The following PDE4D variants were observed in gnomAD, a reference collection of about 807,000 sequenced individuals.
PDE4D encodes the protein 3',5'-cyclic-AMP phosphodiesterase 4D.
Under a neutral mutation model 87.4 loss-of-function variants are expected in PDE4D, and 24 were observed. The ratio of observed to expected loss-of-function variants is 0.27; its 90% CI spans 0.20 to 0.39. The LOEUF is 0.39. PDE4D is among the 10% of genes least tolerant of loss of function. PDE4D has a pLI of 1.00. For synonymous variants in PDE4D, 384 were observed against 383.2 expected (o/e 1.00, Z -0.02); for missense variants, 714 against 1,041.0 (o/e 0.69, Z 4.32).
intron 1 of PDE4D, among the ~76,000 whole-genome samples, chr5:60,497,329 T>TA (rs11382434): frequency 0.53 from 80,362 of 151,942 alleles, 21,924 homozygotes; most frequent in African/African-American, 0.67. Flanking sequence ...CAATGCTAAT[T>TA]GGGGGGTTAG....
intron 5 of PDE4D, among the ~76,000 whole-genome samples, chr5:59,172,053 A>G (rs1241095462): frequency 6.4e-4 from 3 of 4,696 alleles, no homozygotes; most frequent in African/African-American, 1.2e-3. Context: ...TATAATATAT[A>G]TATATTATAT....
intron 2 of PDE4D, among the ~76,000 whole-genome samples, chr5:60,068,964 T>C (rs1562052460): frequency 6.6e-6 from 1 of 152,228 alleles, no homozygotes; most frequent in Non-Finnish European, 1.5e-5. Context: ...GGTTTTCTTC[T>C]AGTAGTTTTA....
At chr5:60,213,297 G>C (rs1270766475) in intron 1 of PDE4D, among the ~76,000 whole-genome samples, 1 of 152,192 alleles carries the variant, frequency 6.6e-6, no homozygotes, top group Non-Finnish European at 1.5e-5. Context: ...CTGGCAAATA[G>C]GGGTGTGGAA....
At chr5:59,904,750 T>C (rs1285746911) in intron 3 of PDE4D, among the ~76,000 whole-genome samples, 1 of 152,156 alleles carries the variant, frequency 6.6e-6, no homozygotes, top group African/African-American at 2.4e-5. Flanking sequence ...TGGGGAACAC[T>C]CATAAACTAA....
chr5:59,159,132 G>C (rs531437849), intron 5 of PDE4D, among the ~76,000 whole-genome samples: 6 of 86,344 alleles, frequency 6.9e-5, no homozygotes, highest in African/African-American at 1.7e-4. Context: ...GAATTCTTAC[G>C]ATACTCTGTG....
At chr5:60,315,601 G>A (rs1436341269) in intron 1 of PDE4D, among the ~76,000 whole-genome samples, 2 of 151,982 alleles carry the variant, frequency 1.3e-5, no homozygotes, top group Admixed American at 6.6e-5. Flanking sequence ...GTTTTCTTCT[G>A]GGGTTTTTAT....
At chr5:59,668,827 A>AAGAGGAAGAG (rs1554056663) in intron 1 of PDE4D, among the ~76,000 whole-genome samples, 1 of 76,904 alleles carries the variant, frequency 1.3e-5, no homozygotes, top group East Asian at 4.1e-4. Context: ...AAGAAGAAGA[A>AAGAGGAAGAG]GAAGAGGAAG....
At chr5:59,865,094 C>T (rs1746823620) in intron 1 of PDE4D, among the ~76,000 whole-genome samples, 1 of 152,174 alleles carries the variant, frequency 6.6e-6, no homozygotes. Flanking sequence ...GTGAAATAGC[C>T]TAGTATTCTC....
At chr5:59,823,294 A>G (rs986077804) in intron 1 of PDE4D, among the ~76,000 whole-genome samples, 1 of 152,230 alleles carries the variant, frequency 6.6e-6, no homozygotes. Context: ...GCCAAGGGCC[A>G]ATAAAGCAAT....
intron 1 of PDE4D, among the ~76,000 whole-genome samples, chr5:59,274,280 C>G (rs1305531219): frequency 6.6e-6 from 1 of 152,122 alleles, no homozygotes; most frequent in Non-Finnish European, 1.5e-5. Context: ...TTTATTAAAA[C>G]TCACAGAAAT....
chr5:59,018,036 T>G (rs1188333160), intron 6 of PDE4D, among the ~76,000 whole-genome samples: 1 of 152,192 alleles, frequency 6.6e-6, no homozygotes, highest in Non-Finnish European at 1.5e-5. Context: ...GATACTGGGT[T>G]GTATGGAGAG....
intron 1 of PDE4D, among the ~76,000 whole-genome samples, chr5:60,226,489 C>T (rs1166786071): frequency 6.6e-6 from 1 of 152,064 alleles, no homozygotes; most frequent in African/African-American, 2.4e-5. Flanking sequence ...AATGCATGTG[C>T]CTTGACTCCA....
At chr5:59,625,434 T>G (rs970964519) in intron 1 of PDE4D, among the ~76,000 whole-genome samples, 33 of 152,138 alleles carry the variant, frequency 2.2e-4, no homozygotes, top group Admixed American at 6.5e-4. Flanking sequence ...ATTTCAGCCT[T>G]GAGTTTGAGA....
chr5:59,743,064 A>G (rs1300124365), intron 1 of PDE4D, among the ~76,000 whole-genome samples: 3 of 152,202 alleles, frequency 2.0e-5, no homozygotes, highest in African/African-American at 7.2e-5. Context: ...AAGCCTACTT[A>G]AAATGATCAA....
chr5:59,901,625 C>T (rs887069710), intron 3 of PDE4D, among the ~76,000 whole-genome samples: 5 of 151,718 alleles, frequency 3.3e-5, no homozygotes, highest in African/African-American at 7.3e-5. Context: ...TGAAAAGGCA[C>T]GTCACAGAAA....
Position 59,371,458 on chromosome 5 carries a change from A to T in PDE4D, c.456-155490T>A, listed in dbSNP as rs144004366. Among the ~76,000 whole-genome samples, 107 of 152,336 alleles carry T rather than the reference A, an allele frequency of 7.0e-4. 2 individuals carry two copies. The East Asian group carries it at 0.019, about 27-fold the overall frequency. On this transcript the variant is annotated intron_variant, in intron 1 of 14. Coordinates refer to ENST00000340635, the MANE Select transcript of PDE4D (RefSeq NM_001104631.2). ...TTTTCCCAGTATTCAAGACACTGGC[A>T]TATGTACTGGCATATATGTACTATT...
intron 1 of PDE4D, chr5:59,275,431 T>C (rs1764612057): frequency 1.3e-6 from 2 of 1,593,400 alleles, no homozygotes; most frequent in Non-Finnish European, 1.7e-6. Flanking sequence ...GGAAAATAAG[T>C]CTTCAACTAT....
chr5:59,324,469 A>G (rs1775293228), intron 1 of PDE4D, among the ~76,000 whole-genome samples: 1 of 152,174 alleles, frequency 6.6e-6, no homozygotes, highest in South Asian at 2.1e-4. Context: ...AGACATCGGC[A>G]TGTGAAACCA....
intron 1 of PDE4D, among the ~76,000 whole-genome samples, chr5:59,671,869 C>T (rs189611002): frequency 6.6e-6 from 1 of 151,150 alleles, no homozygotes; most frequent in Admixed American, 6.6e-5. Flanking sequence ...ACATTAAAAG[C>T]ACTACTTATG....
Sources: gnomAD v4.1 joint callset for allele counts (sites outside exome capture counted in the v4.1 genomes callset) on GRCh38, gnomAD v4.1.1 for gene constraint, MANE v1.5 for transcripts, NCBI Gene and HGNC (gene_info 2026-07-23, HGNC 2026-07-21) for gene names.